The following ZNF514 variants were observed in gnomAD, a reference collection of about 807,000 sequenced individuals.
ZNF514 encodes zinc finger protein 514.
ZNF514 carries 12 observed loss-of-function variants against 9.7 expected under a neutral mutation model. The ratio of observed to expected loss-of-function variants is 1.24; its 90% CI spans 0.79 to 2.01. The LOEUF is 2.01. ZNF514 is among the 30% of genes most tolerant of loss of function. The pLI is 0.00. For synonymous variants in ZNF514, 158 were observed against 163.7 expected (o/e 0.97, Z 0.27); for missense variants, 467 against 465.5 (o/e 1.00, Z -0.03).
At chr2:95,159,065 T>A in intron 1 of ZNF514, 175 bp downstream of exon 1, 2 of 1,186,850 alleles carry the variant, frequency 1.7e-6, no homozygotes, top group Non-Finnish European at 2.1e-6. Context: ...TCCCGAGGGT[T>A]CAGGGAGCGG....
downstream of ZNF514, among the ~76,000 whole-genome samples, chr2:95,142,662 C>G (rs1673268383): frequency 6.6e-6 from 1 of 152,180 alleles, no homozygotes; most frequent in Admixed American, 6.6e-5. Flanking sequence ...AATCCTAACT[C>G]TAGTCACCAA....
the ZNF514 span, among the ~76,000 whole-genome samples, chr2:95,138,241 C>A: frequency 6.6e-6 from 1 of 152,130 alleles, no homozygotes; most frequent in African/African-American, 2.4e-5. Flanking sequence ...ACTGAAAATG[C>A]AGAAGCAGCT....
At position 95,149,667 on chromosome 2, in the gene ZNF514, G is replaced by A. The variant is rs367936062; in HGVS notation, c.818C>T (p.Ser273Leu). Residue 273 changes from serine (S) to leucine (L), a missense_variant, in exon 5 of 5, where the codon TCG becomes TTG. Coordinates refer to ENST00000295208, the MANE Select transcript of ZNF514 (RefSeq NM_032788.3). ...SECGRAFSQSSSLVLHYRFHT... is the reference protein window; with the variant it reads ...SECGRAFSQSLSLVLHYRFHT... The stretch of plus-strand genomic sequence containing the variant: ...AAATCTATAGTGCAGAACAAGAGAC[G>A]AACTCTGGCTGAAGGCTCTCCCACA... 2.7e-5 allele frequency: 43 copies of A among 1,614,068 alleles called. No homozygotes were observed. Among genetic ancestry groups the A allele is most frequent in the Admixed American group, 1.3e-4 (8 of 60,010 alleles).
chr2:95,153,835 ACACCTCC>A (rs1673611996), intron 2 of ZNF514: 1 of 152,210 alleles, frequency 6.6e-6, no homozygotes, highest in Non-Finnish European at 1.5e-5. Context: ...AGTAATTAGA[ACACCTCC>A]CATTTAGCTT....
chr2:95,157,024 G>A (rs537327294), intron 2 of ZNF514, among the ~76,000 whole-genome samples: 2 of 152,298 alleles, frequency 1.3e-5, no homozygotes, highest in South Asian at 4.1e-4. Context: ...CCTGTTACTG[G>A]TGGCTGCGTC....
At chr2:95,135,862 G>A in the ZNF514 span, among the ~76,000 whole-genome samples, 2 of 151,982 alleles carry the variant, frequency 1.3e-5, no homozygotes, top group Non-Finnish European at 2.9e-5. Context: ...ACAAGGTGAA[G>A]AGATCGAGAC....
At chr2:95,135,015 TAGTA>T in the ZNF514 span, among the ~76,000 whole-genome samples, 2 of 152,364 alleles carry the variant, frequency 1.3e-5, no homozygotes, top group East Asian at 3.9e-4. Flanking sequence ...GTTTTGAAAT[TAGTA>T]AGTGTGAGTC....
chr2:95,132,670 C>T, the ZNF514 span, among the ~76,000 whole-genome samples: 1 of 152,038 alleles, frequency 6.6e-6, no homozygotes, highest in African/African-American at 2.4e-5. Context: ...GAGTTCAAGA[C>T]CAGCCTGGTC....
chr2:95,152,597 C>T (rs1673572759), intron 4 of ZNF514, 77 bp downstream of exon 4: 2 of 1,216,298 alleles, frequency 1.6e-6, no homozygotes, highest in African/African-American at 1.5e-5. Flanking sequence ...AAGGACAGCA[C>T]ACTGACCAAA....
Position 95,145,469 on chromosome 2 carries a change from A to G in ZNF514, c.*3813T>C, listed in dbSNP as rs955595662. Reference sequence around the variant, plus strand: ...GTCTGATAAGAAACATTTACAATCTATTCTCTCTGAAGCCTGCTACCTTCT... The same window carrying G: ...GTCTGATAAGAAACATTTACAATCTGTTCTCTCTGAAGCCTGCTACCTTCT... On this transcript the variant is annotated 3_prime_UTR_variant, in exon 5 of 5. Transcript: ENST00000295208. Among the ~76,000 whole-genome samples the G allele has an allele frequency of 1.3e-5, 2 of 152,238 alleles. No individual in the cohort carries two copies. Among genetic ancestry groups the G allele is most frequent in the African/African-American group, 4.8e-5 (2 of 41,456 alleles).
At chr2:95,154,587 G>A (rs1351610022) in intron 2 of ZNF514, 1 of 152,218 alleles carries the variant, frequency 6.6e-6, no homozygotes, top group African/African-American at 2.4e-5. Flanking sequence ...ATGAGAAGAG[G>A]CTGGAAACAT....
At position 95,149,932 on chromosome 2, in the gene ZNF514, A is replaced by C. The variant is rs1354038045; in HGVS notation, c.553T>G (p.Phe185Val). The C allele has an allele frequency of 1.2e-6, 2 of 1,614,064 alleles. No homozygotes were observed. The highest frequency in any genetic ancestry group is 2.7e-5 in the African/African-American group (2 of 74,916). Residue 185 changes from phenylalanine (F) to valine (V), a missense_variant, in exon 5 of 5, where the codon TTC becomes GTC. By Grantham distance (50) the Phe-to-Val change is conservative. Coordinates refer to ENST00000295208, the MANE Select transcript of ZNF514 (RefSeq NM_032788.3). ...TTGTTTCCCCCTAAAGTCTGCCTGA[A>C]TTCTGTATCACATTTATAAGATCCT... ...GEGSYKCDTE[F>V]RQTLGGNNSQ...
Position 95,152,731 on chromosome 2 carries a change from C to T in ZNF514, c.160G>A (p.Glu54Lys). 2 of 1,614,204 alleles carry T rather than the reference C, an allele frequency of 1.2e-6. No homozygotes were observed. The highest frequency in any genetic ancestry group is 1.7e-6 in the Non-Finnish European group (2 of 1,180,028). The change falls in exon 4 of 5, where the codon GAG becomes AAG. Residue 54 changes from glutamate (E) to lysine (K), a missense_variant. By Grantham distance (56) the Glu-to-Lys change is moderately conservative. Transcript: ENST00000295208. ...ACCATGAAGGGCTCACCCCCTTCCTCCAACTGGCAGATCACATATGGTTTG... is the reference window on the plus strand; with the variant it reads ...ACCATGAAGGGCTCACCCCCTTCCTTCAACTGGCAGATCACATATGGTTTG... ...VSKPYVICQL[E>K]EGGEPFMVER... is the part of the protein sequence containing the mutation.
chr2:95,156,548 G>C (rs917548465), intron 2 of ZNF514, among the ~76,000 whole-genome samples: 1 of 151,932 alleles, frequency 6.6e-6, no homozygotes, highest in Non-Finnish European at 1.5e-5. Flanking sequence ...TCCACACTTT[G>C]GTTACCATTC....
At chr2:95,152,882 G>T in intron 3 of ZNF514, 113 bp from the exon 4 acceptor site, 1 of 1,078,024 alleles carries the variant, frequency 9.3e-7, no homozygotes, top group Non-Finnish European at 1.4e-6. Context: ...CCAGAGAACA[G>T]GCATTGTGAA....
At chr2:95,142,198 G>A (rs1673250522), downstream of ZNF514, among the ~76,000 whole-genome samples, 1 of 152,048 alleles carries the variant, frequency 6.6e-6, no homozygotes, top group African/African-American at 2.4e-5. Context: ...TATACCATCT[G>A]TCACCAGACC....
Position 95,148,011 on chromosome 2 carries a change from T to G in ZNF514, c.*1271A>C, listed in dbSNP as rs1276289349. 6.6e-6 allele frequency: 1 copy of G among 152,230 alleles called. No individual in the cohort carries two copies. The highest frequency in any genetic ancestry group is 1.5e-5 in the Non-Finnish European group (1 of 68,050). 9.4% of individuals were successfully genotyped at this position (152,230 alleles called of 1,614,324 possible). ...AATTCCAAATCTATTAGCATAAAGATGTAACAAAAATTGCTTTTTGCTCAA... is the reference window on the plus strand; with the variant it reads ...AATTCCAAATCTATTAGCATAAAGAGGTAACAAAAATTGCTTTTTGCTCAA... On this transcript the variant is annotated 3_prime_UTR_variant, in exon 5 of 5. Transcript: ENST00000295208.
downstream of ZNF514, among the ~76,000 whole-genome samples, chr2:95,144,967 T>C (rs1673323458): frequency 1.3e-5 from 2 of 152,174 alleles, no homozygotes; most frequent in Admixed American, 1.3e-4. Context: ...CTAATCTATA[T>C]TTGAATTTGA....
the ZNF514 span, among the ~76,000 whole-genome samples, chr2:95,132,450 A>G: frequency 6.6e-6 from 1 of 152,204 alleles, no homozygotes; most frequent in African/African-American, 2.4e-5. Flanking sequence ...AAAATGACTG[A>G]AGTAAAAAGT....
Sources: allele counts gnomAD v4.1 joint callset (sites outside exome capture counted in the v4.1 genomes callset), GRCh38; gene constraint gnomAD v4.1.1; transcripts MANE v1.5; gene names NCBI Gene and HGNC (gene_info 2026-07-23, HGNC 2026-07-21).